The following FMN2 variants were observed in gnomAD, a reference collection of about 807,000 sequenced individuals.
FMN2 encodes formin 2.
FMN2 carries 51 observed loss-of-function variants against 142.3 expected under a neutral mutation model. That is an observed-to-expected ratio of 0.36 (90% CI 0.29 to 0.45). The LOEUF (loss-of-function observed/expected upper bound fraction) is 0.45, where lower values mean the gene tolerates loss of function less well. Ranked by LOEUF, FMN2 falls within the 20% of genes least tolerant of loss-of-function variation. The pLI, the probability that FMN2 is intolerant of heterozygous loss-of-function variation, is 1.00. For missense variants in FMN2, 1,936 were observed against 2,122.8 expected, an observed-to-expected ratio of 0.91 and a Z score of 1.73; for synonymous variants, 882 against 869.8, an observed-to-expected ratio of 1.01 and a Z score of -0.25.
At chr1:240,406,394 G>A (rs967651832) in intron 15 of FMN2, among the ~76,000 whole-genome samples, 1 of 152,056 alleles carries the variant, frequency 6.6e-6, no homozygotes, top group Non-Finnish European at 1.5e-5. Flanking sequence ...TGGGGGAATG[G>A]GTCAGATGCA....
At chr1:240,192,965 G>C (rs1665768391) in intron 4 of FMN2, among the ~76,000 whole-genome samples, 1 of 152,072 alleles carries the variant, frequency 6.6e-6, no homozygotes, top group Admixed American at 6.6e-5. Flanking sequence ...TTTTAAGAAT[G>C]AAAACCAGCT....
chr1:240,164,424 A>G (rs898867620), intron 2 of FMN2, among the ~76,000 whole-genome samples: 2 of 152,096 alleles, frequency 1.3e-5, no homozygotes, highest in Non-Finnish European at 2.9e-5. Context: ...TTTAGTATTC[A>G]TTTAATCTTT....
intron 16 of FMN2, among the ~76,000 whole-genome samples, chr1:240,444,482 A>G (rs1046266959): frequency 1.3e-5 from 2 of 152,222 alleles, no homozygotes; most frequent in Non-Finnish European, 2.9e-5. Flanking sequence ...AGACATTTTA[A>G]TTTAATAAAT....
intron 14 of FMN2, among the ~76,000 whole-genome samples, chr1:240,356,872 A>G (rs1672290325): frequency 6.6e-6 from 1 of 152,238 alleles, no homozygotes; most frequent in African/African-American, 2.4e-5. Flanking sequence ...ATGGGAAAAT[A>G]CTATTTAATC....
At chr1:240,119,901 G>A (rs1258633310) in intron 1 of FMN2, among the ~76,000 whole-genome samples, 7 of 152,056 alleles carry the variant, frequency 4.6e-5, no homozygotes, top group African/African-American at 1.7e-4. Context: ...TCAGTAATTC[G>A]GTAACATGAA....
intron 13 of FMN2, among the ~76,000 whole-genome samples, chr1:240,339,697 T>A (rs1167732753): frequency 1.3e-5 from 2 of 151,914 alleles, no homozygotes; most frequent in Non-Finnish European, 2.9e-5. Context: ...ATAATGTTTA[T>A]CTTTTGTTCT....
At chr1:240,259,541 G>A (rs1485259244) in intron 7 of FMN2, among the ~76,000 whole-genome samples, 2 of 145,432 alleles carry the variant, frequency 1.4e-5, no homozygotes, top group Admixed American at 1.4e-4. Flanking sequence ...GCAGCAAGAG[G>A]TTGTGCCCTC....
intron 14 of FMN2, among the ~76,000 whole-genome samples, chr1:240,379,414 G>A (rs1403672993): frequency 6.6e-6 from 1 of 152,110 alleles, no homozygotes; most frequent in Non-Finnish European, 1.5e-5. Context: ...AAGTCAGAAA[G>A]CTTAATGCAG....
At chr1:240,189,765 A>G (rs565839180) in intron 4 of FMN2, among the ~76,000 whole-genome samples, 1 of 152,352 alleles carries the variant, frequency 6.6e-6, no homozygotes, top group African/African-American at 2.4e-5. Flanking sequence ...AATTATCTGC[A>G]ATGATTAGCC....
At chr1:240,315,546 C>G (rs1211813140) in intron 8 of FMN2, among the ~76,000 whole-genome samples, 1 of 152,142 alleles carries the variant, frequency 6.6e-6, no homozygotes, top group African/African-American at 2.4e-5. Context: ...GAGTATTTGG[C>G]TCTGAATTTC....
At chr1:240,184,203 T>C (rs931542477) in intron 3 of FMN2, among the ~76,000 whole-genome samples, 3 of 151,610 alleles carry the variant, frequency 2.0e-5, no homozygotes, top group Admixed American at 6.6e-5. Context: ...TGCTCGGAAT[T>C]TTGAGGTAAC....
chr1:240,208,112 C>T lies in FMN2; in HGVS notation c.3300C>T (p.Pro1100=). 2.6e-6 allele frequency: 3 copies of T among 1,154,266 alleles called. No individual in the cohort carries two copies. The highest frequency in any genetic ancestry group is 3.9e-5 in the Admixed American group (2 of 51,846). The allele number at this position is 1,154,266 out of a possible 1,614,324, so 71.5% of individuals were successfully genotyped here. A position where few individuals can be genotyped will look rare whatever the true frequency, so the allele number is the denominator to read the frequency against. ...PLPGAGIPPP[P]PLPGVGIPPP... The stretch of plus-strand genomic sequence containing the variant: ...CCGGAGCGGGCATACCCCCTCCGCC[C>T]CCTCTACCCGGAGTGGGCATACCTC... Residue 1100 remains proline (P), a synonymous_variant, in exon 5 of 18, where the codon CCC becomes CCT. Transcript: ENST00000319653.
rs1363626866 is a variant in FMN2 at position 240,207,437 on chromosome 1, G to C, written c.2625G>C (p.Met875Ile). ...ESSSSMPGLG[M>I]VPPPPPPLPG... is the part of the protein sequence containing the mutation. The stretch of plus-strand genomic sequence containing the variant: ...CCAGCTCCATGCCTGGCCTGGGCAT[G>C]GTGCCTCCCCCACCTCCCCCTCTCC... Residue 875 changes from methionine (M) to isoleucine (I), a missense_variant, in exon 5 of 18, where the codon ATG (methionine) becomes ATC (isoleucine). Physicochemically the swap from Met to Ile is conservative, Grantham distance 10. Coordinates refer to ENST00000319653, the MANE Select transcript of FMN2 (RefSeq NM_020066.5). 1 of 1,613,672 alleles carries C rather than the reference G, an allele frequency of 6.2e-7. No individual in the cohort carries two copies.
chr1:240,093,645 C>G lies in FMN2; in HGVS notation c.1536C>G (p.Gly512=). ...AGCGCGGGGTGGCGAGTGACAGCGGCGGTGGGGTGTCCCCAGCACTGGCCG... is the reference window on the plus strand; with the variant it reads ...AGCGCGGGGTGGCGAGTGACAGCGGGGGTGGGGTGTCCCCAGCACTGGCCG... ...LLERGVASDS[G]GGVSPALAAK... is the part of the protein sequence containing the mutation. Residue 512 remains glycine (G), a synonymous_variant, in exon 1 of 18, where the codon GGC becomes GGG. Coordinates refer to ENST00000319653, the MANE Select transcript of FMN2 (RefSeq NM_020066.5). The G allele has an allele frequency of 7.0e-7, 1 of 1,419,954 alleles. No individual in the cohort carries two copies. The highest frequency in any genetic ancestry group is 9.1e-7 in the Non-Finnish European group (1 of 1,098,826). 88.0% of individuals were successfully genotyped at this position (1,419,954 alleles called of 1,614,324 possible). A position where few individuals can be genotyped will look rare whatever the true frequency, so the allele number is the denominator to read the frequency against.
At chr1:240,138,990 CG>C (rs1176431414) in intron 2 of FMN2, among the ~76,000 whole-genome samples, 3 of 152,162 alleles carry the variant, frequency 2.0e-5, no homozygotes, top group Non-Finnish European at 4.4e-5. Flanking sequence ...CAGAATCCCC[CG>C]AAGGGCTTGT....
intron 5 of FMN2, among the ~76,000 whole-genome samples, chr1:240,209,358 C>A (rs1431972095): frequency 6.6e-6 from 1 of 151,512 alleles, no homozygotes; most frequent in Non-Finnish European, 1.5e-5. Flanking sequence ...TCACCCCATT[C>A]TCCTGCCTCA....
chr1:240,241,973 G>A (rs1312937242), intron 6 of FMN2, among the ~76,000 whole-genome samples: 1 of 151,732 alleles, frequency 6.6e-6, no homozygotes, highest in African/African-American at 2.4e-5. Context: ...AGCCTCCCGA[G>A]TAACTGGGAC....
At chr1:240,236,940 G>A (rs747637913) in intron 6 of FMN2, among the ~76,000 whole-genome samples, 1 of 152,064 alleles carries the variant, frequency 6.6e-6, no homozygotes, top group Non-Finnish European at 1.5e-5. Flanking sequence ...TTGCTACTTT[G>A]GGTTTAACTT....
At chr1:240,315,938 A>G (rs1375214166) in intron 8 of FMN2, among the ~76,000 whole-genome samples, 18 of 152,230 alleles carry the variant, frequency 1.2e-4, no homozygotes. Context: ...GGAAGTCCCC[A>G]GTCCAACACA....
Sources: gnomAD v4.1 joint callset for allele counts (sites outside exome capture counted in the v4.1 genomes callset) on GRCh38, gnomAD v4.1.1 for gene constraint, MANE v1.5 for transcripts, NCBI Gene and HGNC (gene_info 2026-07-23, HGNC 2026-07-21) for gene names.